CEMIP: variants seen among roughly 807,000 people sequenced by gnomAD.
CEMIP encodes cell migration inducing hyaluronidase 1.
Under a neutral mutation model 156.9 loss-of-function variants are expected in CEMIP, and 105 were observed. That is an observed-to-expected ratio of 0.67 (90% CI 0.57 to 0.79). The LOEUF (loss-of-function observed/expected upper bound fraction) is 0.79. CEMIP is among the 30% of genes least tolerant of loss of function. CEMIP has a pLI of 0.00. For synonymous variants in CEMIP, 676 were observed against 668.4 expected, an observed-to-expected ratio of 1.01 and a Z score of -0.17; for missense variants, 1,457 against 1,769.4, an observed-to-expected ratio of 0.82 and a Z score of 3.17.
chr15:80,895,266 C>G, intron 11 of CEMIP, 144 bp downstream of exon 11: 1 of 1,132,934 alleles, frequency 8.8e-7, no homozygotes, highest in South Asian at 1.3e-5. Context: ...GTGGGAGGAT[C>G]CTTGGAGTTG....
rs569700320 is a variant in CEMIP, at chr15:80,854,509, T to C, written c.-175-19029T>C. Among the ~76,000 whole-genome samples the C allele has an allele frequency of 3.1e-4, 47 of 152,322 alleles. No homozygotes were observed. The South Asian group carries it at 8.3e-3, about 27-fold the overall frequency. ...GTGTCCTGACTTCTCAGGGCAAGAC[T>C]CTTTCAAAAGTATTTCTTGAGCATC... On this transcript the variant is annotated intron_variant, in intron 1 of 29. Transcript: ENST00000394685.
At chr15:80,834,787 G>C (rs996799936) in intron 1 of CEMIP, among the ~76,000 whole-genome samples, 1 of 152,036 alleles carries the variant, frequency 6.6e-6, no homozygotes, top group African/African-American at 2.4e-5. Flanking sequence ...CACCTTGTCA[G>C]TTTCCATTAA....
intron 5 of CEMIP, 43 bp downstream of exon 5, chr15:80,879,897 TGACAAGAGGGAGACTTTCCAA>T: frequency 6.2e-7 from 1 of 1,611,642 alleles, no homozygotes; most frequent in Non-Finnish European, 8.5e-7. Context: ...CCCATGGATC[TGACAAGAGGGAGACTTTCCAA>T]GACAGAGAGA....
At position 80,819,939 on chromosome 15, in the gene CEMIP, A is replaced by G. The variant is rs1896871696; in HGVS notation, c.-176+40325A>G. On this transcript the variant is annotated intron_variant, in intron 1 of 29. Transcript: ENST00000394685. Reference sequence around the variant, plus strand: ...CAGGATTCAAAGGCAAGTCTGTCTGAAACCCCTTGACTTCTGCAGTCAACC... The same window carrying G: ...CAGGATTCAAAGGCAAGTCTGTCTGGAACCCCTTGACTTCTGCAGTCAACC... Among the ~76,000 whole-genome samples, 2 of 152,218 alleles carry G rather than the reference A, an allele frequency of 1.3e-5. 1 individual carries two copies. The highest frequency in any genetic ancestry group is 4.1e-4 in the South Asian group (2 of 4,824).
At chr15:80,911,391 T>TA (rs1313057990) in intron 14 of CEMIP, among the ~76,000 whole-genome samples, 1 of 152,240 alleles carries the variant, frequency 6.6e-6, no homozygotes, top group Non-Finnish European at 1.5e-5. Flanking sequence ...TTGTTGAAGT[T>TA]CTATTCATAA....
At chr15:80,825,334 G>A (rs961387471) in intron 1 of CEMIP, among the ~76,000 whole-genome samples, 1 of 152,168 alleles carries the variant, frequency 6.6e-6, no homozygotes, top group African/African-American at 2.4e-5. Flanking sequence ...TGAGGAAACT[G>A]AGGCTCAGCA....
At chr15:80,842,562 T>A (rs1897449858) in intron 1 of CEMIP, among the ~76,000 whole-genome samples, 1 of 152,064 alleles carries the variant, frequency 6.6e-6, no homozygotes. Flanking sequence ...TGAAACCCCA[T>A]CTCTACTAAA....
intron 1 of CEMIP, among the ~76,000 whole-genome samples, chr15:80,818,134 CA>C (rs1436713942): frequency 6.6e-6 from 1 of 152,096 alleles, no homozygotes; most frequent in Non-Finnish European, 1.5e-5. Flanking sequence ...CAGCTTACTA[CA>C]AAAAAATATG....
chr15:80,831,394 T>C (rs1897154673), intron 1 of CEMIP, among the ~76,000 whole-genome samples: 1 of 152,108 alleles, frequency 6.6e-6, no homozygotes, highest in Non-Finnish European at 1.5e-5. Flanking sequence ...CAGAGCTCGA[T>C]GGGCTCAGTG....
chr15:80,916,253 C>T (rs145429298), intron 14 of CEMIP, among the ~76,000 whole-genome samples: 1 of 152,318 alleles, frequency 6.6e-6, no homozygotes, highest in African/African-American at 2.4e-5. Context: ...AATGGTCACA[C>T]CCTCCCCCGC....
At chr15:80,887,490 C>A (rs758511357) in intron 7 of CEMIP, among the ~76,000 whole-genome samples, 1 of 152,064 alleles carries the variant, frequency 6.6e-6, no homozygotes, top group Non-Finnish European at 1.5e-5. Context: ...GGCCAGGGAG[C>A]GAGAAAGCCC....
intron 25 of CEMIP, among the ~76,000 whole-genome samples, chr15:80,941,064 C>T (rs895705043): frequency 1.3e-5 from 2 of 152,072 alleles, no homozygotes; most frequent in Non-Finnish European, 2.9e-5. Flanking sequence ...CAATGTGTGC[C>T]CCTGGTCTGA....
intron 1 of CEMIP, among the ~76,000 whole-genome samples, chr15:80,802,436 C>G (rs1420680823): frequency 6.6e-6 from 1 of 152,218 alleles, no homozygotes; most frequent in African/African-American, 2.4e-5. Context: ...GGCTCCAGCC[C>G]TTACCCACAG....
rs34648120 is a variant in CEMIP at position 80,808,786 on chromosome 15, C to CAA, written c.-176+29184_-176+29185dup. 5.5e-3 allele frequency among the ~76,000 whole-genome samples: 787 copies of CAA among 144,130 alleles called. 9 individuals carry two copies. The highest frequency in any genetic ancestry group is 0.02 in the African/African-American group (763 of 39,070). The allele number at this position is 144,130 out of a possible 152,430, so 94.6% of individuals were successfully genotyped here. A position where few individuals can be genotyped will look rare whatever the true frequency, so the allele number is the denominator to read the frequency against. ...CAAGCGAAATAACATATGGGGAAGCCAAAAAAAAAAAAATACCTGTAAAGA... is the reference window on the plus strand; with the variant it reads ...CAAGCGAAATAACATATGGGGAAGCCAAAAAAAAAAAAAAATACCTGTAAAGA... On this transcript the variant is annotated intron_variant, in intron 1 of 29. Transcript: ENST00000394685.
intron 1 of CEMIP, among the ~76,000 whole-genome samples, chr15:80,848,457 G>C (rs1311471165): frequency 6.6e-6 from 1 of 152,188 alleles, no homozygotes; most frequent in African/African-American, 2.4e-5. Flanking sequence ...AAAAGCTGTG[G>C]GGAAGGACAG....
chr15:80,869,786 C>T (rs983885805), intron 1 of CEMIP, among the ~76,000 whole-genome samples: 1 of 152,076 alleles, frequency 6.6e-6, no homozygotes, highest in South Asian at 2.1e-4. Flanking sequence ...CTCAGTTGAC[C>T]CTCACAACAA....
chr15:80,887,748 C>G lies in CEMIP; in HGVS notation c.852C>G (p.Asp284Glu). The change falls in exon 8 of 30, where the codon GAC becomes GAG. Residue 284 changes from aspartate to glutamate, a missense_variant. By Grantham distance (45) the Asp-to-Glu change is conservative (BLOSUM62 2). Transcript: ENST00000394685. ...GAAATCCATCATCTTCAGTGGAAGA[C>G]CATATTGAATATCATGGTAATACAT... The part of the protein sequence containing the change: ...VKGNPSSSVE[D>E]HIEYHGHRGS... The G allele has an allele frequency of 6.2e-7, 1 of 1,613,200 alleles. No individual in the cohort carries two copies. Among genetic ancestry groups the G allele is most frequent in the Non-Finnish European group, 8.5e-7 (1 of 1,179,484 alleles).
intron 1 of CEMIP, among the ~76,000 whole-genome samples, chr15:80,780,486 ACT>A (rs1333888784): frequency 6.6e-6 from 1 of 151,796 alleles, no homozygotes. Flanking sequence ...AGCCGCAGAC[ACT>A]CTCTGCGACA....
chr15:80,845,759 A>G (rs574372812), intron 1 of CEMIP, among the ~76,000 whole-genome samples: 19 of 152,252 alleles, frequency 1.2e-4, no homozygotes, highest in African/African-American at 4.6e-4. Flanking sequence ...GCCATAACTG[A>G]GGTGGAAAAT....
Sources: allele counts gnomAD v4.1 joint callset (sites outside exome capture counted in the v4.1 genomes callset), GRCh38; gene constraint gnomAD v4.1.1; transcripts MANE v1.5; gene names NCBI Gene and HGNC (gene_info 2026-07-23, HGNC 2026-07-21).